Variants in PLEKHA7 observed in about 807,000 individuals in gnomAD.
PLEKHA7 encodes the protein pleckstrin homology domain-containing family A member 7.
Under a neutral mutation model 170.0 loss-of-function variants are expected in PLEKHA7, and 104 were observed. The observed-to-expected ratio is 0.61, with a 90% CI of 0.52 to 0.72. The LOEUF is 0.72. Among genes scored for constraint, PLEKHA7 ranks in the 30% least tolerant of loss-of-function variants. PLEKHA7 has a pLI of 0.00. For synonymous variants in PLEKHA7, 648 were observed against 660.8 expected (o/e 0.98, Z 0.30); for missense variants, 1,615 against 1,671.7 (o/e 0.97, Z 0.59).
chr11:16,856,341 A>G (rs1853449330), intron 4 of PLEKHA7, among the ~76,000 whole-genome samples: 1 of 152,222 alleles, frequency 6.6e-6, no homozygotes, highest in African/African-American at 2.4e-5. Context: ...GTTTATAATT[A>G]GTAACAAGAA....
chr11:16,959,247 C>T (rs6486329), intron 3 of PLEKHA7, among the ~76,000 whole-genome samples: 133,030 of 151,732 alleles, frequency 0.88, 58,283 homozygotes, highest in South Asian at 0.92. Flanking sequence ...CAGGTAGACC[C>T]CAGTGTCTGT....
intron 3 of PLEKHA7, among the ~76,000 whole-genome samples, chr11:16,908,178 A>T (rs1857978184): frequency 6.7e-6 from 1 of 149,926 alleles, no homozygotes; most frequent in East Asian, 2.0e-4. Flanking sequence ...TTGTTCACTT[A>T]TCTGCTGACC....
At position 16,851,192 on chromosome 11, in the gene PLEKHA7, T is replaced by C. The variant is rs1445890483; in HGVS notation, c.695A>G (p.Lys232Arg). Residue 232 changes from lysine (K) to arginine (R), a missense_variant and splice_region_variant, in exon 8 of 27, where the codon AAG becomes AGG. Coordinates refer to ENST00000531066, the MANE Select transcript of PLEKHA7 (RefSeq NM_001329630.2). ...GCATTAGAGGTGCAGGGGCAGTACC[T>C]TAAAGGAATATTTGCGGCTTATGCG... is the stretch of plus-strand genomic sequence containing the variant. ...EDRISRKYSF[K>R]AVHTGMRALI... The C allele has an allele frequency of 6.2e-7, 1 of 1,605,060 alleles. No homozygotes were observed. Among genetic ancestry groups the C allele is most frequent in the Non-Finnish European group, 8.5e-7 (1 of 1,175,190 alleles).
At chr11:16,864,163 T>A (rs1268536324) in intron 4 of PLEKHA7, among the ~76,000 whole-genome samples, 1 of 152,194 alleles carries the variant, frequency 6.6e-6, no homozygotes, top group Non-Finnish European at 1.5e-5. Flanking sequence ...CCAGACTATC[T>A]GGATTCAAAT....
intron 17 of PLEKHA7, among the ~76,000 whole-genome samples, chr11:16,800,372 A>C (rs890054505): frequency 6.6e-6 from 1 of 152,170 alleles, no homozygotes; most frequent in East Asian, 1.9e-4. Flanking sequence ...GGCAGCTATC[A>C]ATAGGGTGGC....
chr11:16,888,226 C>T (rs559716868), intron 3 of PLEKHA7, among the ~76,000 whole-genome samples: 8 of 151,720 alleles, frequency 5.3e-5, no homozygotes, highest in East Asian at 1.9e-4. Context: ...AAGACAGGAG[C>T]GCCTCCACCC....
At chr11:16,916,656 C>T (rs374541981) in intron 3 of PLEKHA7, among the ~76,000 whole-genome samples, 2 of 152,122 alleles carry the variant, frequency 1.3e-5, no homozygotes, top group South Asian at 4.2e-4. Flanking sequence ...TATGCAAGGC[C>T]CAAAAGGCTT....
At chr11:16,836,683 G>A (rs975982289) in intron 9 of PLEKHA7, among the ~76,000 whole-genome samples, 2 of 152,108 alleles carry the variant, frequency 1.3e-5, no homozygotes, top group Admixed American at 6.5e-5. Flanking sequence ...GTCTGTATTC[G>A]CTTGGCTGAA....
chr11:16,846,511 T>C (rs1219481798), intron 8 of PLEKHA7, among the ~76,000 whole-genome samples: 2 of 152,106 alleles, frequency 1.3e-5, no homozygotes, highest in Non-Finnish European at 2.9e-5. Context: ...TTTCCTCATA[T>C]TTAAAATGGA....
At chr11:16,907,705 C>CA (rs1857929876) in intron 3 of PLEKHA7, among the ~76,000 whole-genome samples, 1 of 136,392 alleles carries the variant, frequency 7.3e-6, no homozygotes, top group African/African-American at 2.7e-5. Flanking sequence ...TCTGCCCGGC[C>CA]GCCCCTACTG....
chr11:16,989,135 C>T (rs185964114), intron 3 of PLEKHA7, among the ~76,000 whole-genome samples: 11 of 152,326 alleles, frequency 7.2e-5, no homozygotes, highest in Non-Finnish European at 1.5e-4. Context: ...GATGAAACTT[C>T]CATTAATGCA....
At chr11:16,838,503 ACT>A (rs1264221607) in intron 9 of PLEKHA7, among the ~76,000 whole-genome samples, 1 of 144,656 alleles carries the variant, frequency 6.9e-6, no homozygotes, top group African/African-American at 2.7e-5. Context: ...ATAGATTGAG[ACT>A]CTGTGTCTTA....
In PLEKHA7 at chr11:16,791,062, G is replaced by A. The variant is rs756351573; in HGVS notation, c.2883C>T (p.Asp961=). ...TSVRGLKRQS[D]ERKRDRELGQ... is the part of the protein sequence containing the mutation. ...CCAGCTCCCGGTCTCGCTTCCTCTC[G>A]TCTGACTGCCGCTTGAGGCCCCGCA... The change falls in exon 20 of 27, where the codon GAC becomes GAT. Residue 961 remains aspartate, a synonymous_variant. Transcript: ENST00000531066. The surrounding 1 kb of genome is among the most constrained non-coding windows in gnomAD (Gnocchi z 4.5). 76 of 1,614,086 alleles carry A rather than the reference G, an allele frequency of 4.7e-5. No individual in the cohort carries two copies. In the East Asian group the frequency reaches 1.4e-3, roughly 29 times the overall value.
intron 3 of PLEKHA7, among the ~76,000 whole-genome samples, chr11:16,991,528 G>C (rs1474697228): frequency 6.6e-6 from 1 of 152,102 alleles, no homozygotes; most frequent in Non-Finnish European, 1.5e-5. Context: ...GCAGAGACCT[G>C]GAGAAAGTGA....
intron 26 of PLEKHA7, among the ~76,000 whole-genome samples, chr11:16,782,307 G>A (rs911627075): frequency 1.3e-5 from 2 of 152,166 alleles, no homozygotes; most frequent in African/African-American, 4.8e-5. Flanking sequence ...AGAGACGAAG[G>A]CAGGGGGCCA....
At position 16,801,009 on chromosome 11, in the gene PLEKHA7, G is replaced by A. The variant is rs1161772986; in HGVS notation, c.2374C>T (p.Leu792=). 1.9e-6 allele frequency: 3 copies of A among 1,614,258 alleles called. No individual in the cohort carries two copies. The highest frequency in any genetic ancestry group is 1.1e-5 in the South Asian group (1 of 91,088). The change falls in exon 17 of 27, where the codon CTG becomes TTG. Residue 792 remains leucine, a synonymous_variant. Transcript: ENST00000531066. ...ENDVEQLKQT[L]QEQHRRAFFF... is the part of the protein sequence containing the mutation. ...AAGGCTCTTCTGTGTTGCTCCTGCA[G>A]GGTCTGCTTCAGCTGTTCCACATCA...
chr11:16,882,911 T>C (rs1472618061), intron 3 of PLEKHA7, among the ~76,000 whole-genome samples: 16 of 152,004 alleles, frequency 1.1e-4, no homozygotes, highest in Admixed American at 7.2e-4. Context: ...GGTGTCGTCA[T>C]AGAAAAGCAA....
intron 17 of PLEKHA7, among the ~76,000 whole-genome samples, chr11:16,797,964 T>C (rs150841592): frequency 4.8e-4 from 73 of 152,188 alleles, no homozygotes; most frequent in African/African-American, 1.6e-3. Context: ...TGGGCCTTCA[T>C]AATGAGGGGA....
Position 16,790,821 on chromosome 11 carries a change from C to T in PLEKHA7, c.3029G>A (p.Arg1010Lys), listed in dbSNP as rs752318601. The change falls in exon 21 of 27, where the codon AGG (arginine) becomes AAG (lysine). Residue 1010 changes from arginine (R) to lysine (K), a missense_variant. Transcript: ENST00000531066. ...PSLGLVGPES[R>K]YQTLPGRGLS... ...ACCTCTGCCTGGCAGCGTCTGGTAC[C>T]TGCTCTCAGGGCCCACAAGTCCTAG... 1 of 1,609,032 alleles carries T rather than the reference C, an allele frequency of 6.2e-7. No homozygotes were observed. Among genetic ancestry groups the T allele is most frequent in the Non-Finnish European group, 8.5e-7 (1 of 1,177,924 alleles).
Sources: allele counts gnomAD v4.1 joint callset (sites outside exome capture counted in the v4.1 genomes callset), GRCh38; gene constraint gnomAD v4.1.1; non-coding constraint Gnocchi (gnomAD v3.1); transcripts MANE v1.5; gene names NCBI Gene and HGNC (gene_info 2026-07-23, HGNC 2026-07-21).